CMIP: variants seen among roughly 807,000 people sequenced by gnomAD.
CMIP encodes the protein c-Maf inducing protein.
Under a neutral mutation model 97.3 loss-of-function variants are expected in CMIP, and 13 were observed. The observed-to-expected ratio is 0.13, with a 90% CI of 0.09 to 0.21. The LOEUF (loss-of-function observed/expected upper bound fraction) is 0.21, where lower values mean the gene tolerates loss of function less well. Among genes scored for constraint, CMIP ranks in the 10% least tolerant of loss-of-function variants. The probability of loss-of-function intolerance (pLI) is 1.00; values close to 1 mark genes in which losing one functional copy is unlikely to be tolerated. For synonymous variants in CMIP, 538 were observed against 436.3 expected, an observed-to-expected ratio of 1.23 and a Z score of -2.91; for missense variants, 847 against 1,024.9, an observed-to-expected ratio of 0.83 and a Z score of 2.37.
chr16:81,597,145 T>C (rs1228835294), intron 1 of CMIP, among the ~76,000 whole-genome samples: 2 of 152,198 alleles, frequency 1.3e-5, no homozygotes, highest in East Asian at 3.9e-4. Flanking sequence ...AATATGGGCC[T>C]TTCTGTGGAG....
At chr16:81,508,197 A>G (rs1215428963) in intron 1 of CMIP, among the ~76,000 whole-genome samples, 2 of 152,256 alleles carry the variant, frequency 1.3e-5, no homozygotes, top group African/African-American at 4.8e-5. Context: ...TATGATGCAC[A>G]GCTCAGGAAA....
At chr16:81,459,957 G>A (rs1906803668) in intron 1 of CMIP, among the ~76,000 whole-genome samples, 1 of 152,160 alleles carries the variant, frequency 6.6e-6, no homozygotes, top group African/African-American at 2.4e-5. Context: ...CAAACCCATG[G>A]ACCAAGGGGA....
chr16:81,508,556 G>A (rs951418712), intron 1 of CMIP, among the ~76,000 whole-genome samples: 3 of 152,222 alleles, frequency 2.0e-5, no homozygotes, highest in African/African-American at 4.8e-5. Context: ...GCAATGCCAT[G>A]TGATTATCCA....
chr16:81,470,439 C>T (rs944136199), intron 1 of CMIP, among the ~76,000 whole-genome samples: 2 of 152,224 alleles, frequency 1.3e-5, no homozygotes, highest in East Asian at 1.9e-4. Context: ...GTCACAGAGA[C>T]AGATGTTTCA....
chr16:81,661,191 C>T (rs2092542143), intron 6 of CMIP, among the ~76,000 whole-genome samples: 1 of 152,268 alleles, frequency 6.6e-6, no homozygotes, highest in Admixed American at 6.5e-5. Context: ...CACTTCCCGG[C>T]TGTCTTAGGA....
chr16:81,471,446 G>A (rs146570878), intron 1 of CMIP, among the ~76,000 whole-genome samples: 19 of 152,172 alleles, frequency 1.2e-4, no homozygotes, highest in Middle Eastern at 3.4e-3. Context: ...ATTTGTACAT[G>A]CATATGTACA....
intron 1 of CMIP, among the ~76,000 whole-genome samples, chr16:81,487,522 C>T (rs2089337082): frequency 6.6e-6 from 1 of 152,170 alleles, no homozygotes; most frequent in African/African-American, 2.4e-5. Context: ...GCAGCATGGC[C>T]CGCGTGGCTT....
Position 81,678,639 on chromosome 16 carries a change from C to CCG in CMIP, c.1388+12_1388+13insGC, listed in dbSNP as rs767548942. Reference sequence around the variant, plus strand: ...AATCCTCAAGCTGCTGTGAGTGCCCCCCCCGCGTGCCCGCCCCCGGGGCCG... The same window carrying CCG: ...AATCCTCAAGCTGCTGTGAGTGCCCCCGCCCCGCGTGCCCGCCCCCGGGGCCG... On this transcript the variant is annotated intron_variant, in intron 10 of 20. Transcript: ENST00000537098. 23 of 1,357,628 alleles carry CCG rather than the reference C, an allele frequency of 1.7e-5. No homozygotes were observed. The highest frequency in any genetic ancestry group is 2.4e-5 in the Non-Finnish European group (23 of 967,612). The allele number at this position is 1,357,628 out of a possible 1,614,324, so 84.1% of individuals were successfully genotyped here. A position where few individuals can be genotyped will look rare whatever the true frequency, so the allele number is the denominator to read the frequency against.
chr16:81,544,679 A>T (rs1037463340), intron 1 of CMIP, among the ~76,000 whole-genome samples: 2 of 150,230 alleles, frequency 1.3e-5, no homozygotes, highest in Non-Finnish European at 3.0e-5. Flanking sequence ...TGTGTGGTGT[A>T]TGGGTATTTG....
chr16:81,638,345 C>G (rs1373992480), intron 3 of CMIP, among the ~76,000 whole-genome samples: 2 of 152,172 alleles, frequency 1.3e-5, no homozygotes, highest in Non-Finnish European at 2.9e-5. Flanking sequence ...GAGTTTGCCT[C>G]TCTTAGTGAA....
chr16:81,608,119 C>G (rs2091774101), intron 2 of CMIP, among the ~76,000 whole-genome samples: 1 of 152,128 alleles, frequency 6.6e-6, no homozygotes, highest in South Asian at 2.1e-4. Context: ...TGATCTAAGT[C>G]TTTTGAGGCT....
intron 2 of CMIP, among the ~76,000 whole-genome samples, chr16:81,613,703 G>A (rs1398822774): frequency 6.6e-6 from 1 of 152,202 alleles, no homozygotes; most frequent in Non-Finnish European, 1.5e-5. Context: ...GGGAATCAGA[G>A]CTGAAGAGTT....
chr16:81,445,655 G>T (rs1905785890), intron 1 of CMIP, 114 bp downstream of exon 1: 7 of 1,204,706 alleles, frequency 5.8e-6, no homozygotes, highest in Non-Finnish European at 7.9e-6. Context: ...GCGGTGGGGG[G>T]TGCCGGGGGA....
chr16:81,575,754 C>G (rs1042091973), intron 1 of CMIP, among the ~76,000 whole-genome samples: 1 of 152,174 alleles, frequency 6.6e-6, no homozygotes. Context: ...GCTCTGAGTT[C>G]AGGTCCTGCC....
At chr16:81,690,134 G>A (rs1362420473) in intron 10 of CMIP, among the ~76,000 whole-genome samples, 8 of 152,164 alleles carry the variant, frequency 5.3e-5, no homozygotes, top group African/African-American at 1.7e-4. Context: ...TCTTGGCAAT[G>A]TGGGCTCTTT....
At chr16:81,678,796 C>G (rs1239507486) in intron 10 of CMIP, among the ~76,000 whole-genome samples, 168 bp downstream of exon 10, 1 of 152,228 alleles carries the variant, frequency 6.6e-6, no homozygotes, top group African/African-American at 2.4e-5. Context: ...TGCATAAGCA[C>G]AAGTGTGGCT....
chr16:81,667,434 C>T (rs1403678997), intron 7 of CMIP, among the ~76,000 whole-genome samples: 1 of 152,258 alleles, frequency 6.6e-6, no homozygotes, highest in Non-Finnish European at 1.5e-5. Flanking sequence ...CCCAGTGGAC[C>T]GTCAAGTAAC....
intron 1 of CMIP, among the ~76,000 whole-genome samples, chr16:81,452,885 G>GTTTTTTTTTT (rs558606255): frequency 2.3e-5 from 3 of 129,228 alleles, no homozygotes; most frequent in Non-Finnish European, 4.9e-5. Context: ...TTTTTGTTTT[G>GTTTTTTTTTT]TTTTTTTTTT....
At chr16:81,500,649 C>T (rs1448256314) in intron 1 of CMIP, among the ~76,000 whole-genome samples, 1 of 151,782 alleles carries the variant, frequency 6.6e-6, no homozygotes, top group Non-Finnish European at 1.5e-5. Context: ...CCACCACATC[C>T]AGCTAATTTT....
Sources: gnomAD v4.1 joint callset for allele counts (sites outside exome capture counted in the v4.1 genomes callset) on GRCh38, gnomAD v4.1.1 for gene constraint, MANE v1.5 for transcripts, NCBI Gene and HGNC (gene_info 2026-07-23, HGNC 2026-07-21) for gene names.